CNNM4: variants seen among roughly 807,000 people sequenced by gnomAD.
The protein encoded by CNNM4 is cyclin and CBS domain divalent metal cation transport mediator 4.
A neutral mutation model predicts 53.7 loss-of-function variants in CNNM4; 32 were observed. The ratio of observed to expected loss-of-function variants is 0.60; its 90% CI spans 0.45 to 0.80. The LOEUF is 0.80. CNNM4 is among the 30% of genes least tolerant of loss of function. The pLI, the probability that CNNM4 is intolerant of heterozygous loss-of-function variation, is 0.00. For synonymous variants in CNNM4, 410 were observed against 440.0 expected (o/e 0.93, Z 0.85); for missense variants, 784 against 1,022.0 (o/e 0.77, Z 3.17).
rs1353214392 is a variant in CNNM4 at position 96,761,271 on chromosome 2, TCTC to T, written c.275_277del (p.Ser92del). On this transcript the variant is annotated inframe_deletion, in exon 1 of 7. Coordinates refer to ENST00000377075, the MANE Select transcript of CNNM4 (RefSeq NM_020184.4). This position sits in a 1 kb window ranked among gnomAD's most constrained non-coding sequence, Gnocchi z 6.0. ...CTGGGCAACATCTCCAGCAACCTGATCTCCTTCACCGAGGTGGACGATGCCGAG... is the reference window on the plus strand; with the variant it reads ...CTGGGCAACATCTCCAGCAACCTGATCTTCACCGAGGTGGACGATGCCGAG... 2.2e-5 allele frequency: 35 copies of T among 1,613,830 alleles called. No homozygotes were observed. Among genetic ancestry groups the T allele is most frequent in the Admixed American group, 6.7e-5 (4 of 60,002 alleles).
intron 1 of CNNM4, among the ~76,000 whole-genome samples, chr2:96,785,928 A>C (rs1248949423): frequency 6.6e-6 from 1 of 151,958 alleles, no homozygotes; most frequent in Non-Finnish European, 1.5e-5. Context: ...TCTACTAAAA[A>C]TACAAAAAAT....
rs1403330954 is a variant in CNNM4, at chr2:96,808,405, G to A, written c.1949-156G>A. ...TTGCTTTAACGAAGTCAGACCTTAT[G>A]CAGTCAGACCTTCTACATGCTTCTG... On this transcript the variant is annotated intron_variant, in intron 5 of 6. Coordinates refer to ENST00000377075, the MANE Select transcript of CNNM4 (RefSeq NM_020184.4). The surrounding 1 kb of genome is among the most constrained non-coding windows in gnomAD (Gnocchi z 4.9). 6.6e-6 allele frequency among the ~76,000 whole-genome samples: 1 copy of A among 152,178 alleles called. No homozygotes were observed. Among genetic ancestry groups the A allele is most frequent in the Non-Finnish European group, 1.5e-5 (1 of 68,032 alleles).
chr2:96,805,575 C>T (rs2153351041), intron 5 of CNNM4, among the ~76,000 whole-genome samples: 1 of 125,732 alleles, frequency 8.0e-6, no homozygotes, highest in South Asian at 2.8e-4. Context: ...TCTGGTTTTC[C>T]TAGGCAGAGG....
intron 1 of CNNM4, among the ~76,000 whole-genome samples, chr2:96,795,793 G>A (rs865921954): frequency 2.6e-5 from 4 of 152,132 alleles, no homozygotes; most frequent in African/African-American, 9.7e-5. Flanking sequence ...GTGTTCCTGC[G>A]AGTGGGGTAT....
chr2:96,783,123 A>T (rs1411110330), intron 1 of CNNM4, among the ~76,000 whole-genome samples: 1 of 152,202 alleles, frequency 6.6e-6, no homozygotes. Context: ...GTTGCCAAAA[A>T]GGTTCAAAGA....
intron 1 of CNNM4, among the ~76,000 whole-genome samples, chr2:96,787,271 T>C (rs2079024031): frequency 6.6e-6 from 1 of 152,178 alleles, no homozygotes; most frequent in African/African-American, 2.4e-5. Context: ...CTTCCAACGG[T>C]GGGTAGTTCT....
chr2:96,806,533 A>ACGCGCGCGCG (rs745997640), intron 5 of CNNM4, among the ~76,000 whole-genome samples: 1 of 138,512 alleles, frequency 7.2e-6, no homozygotes, highest in Admixed American at 7.2e-5. Flanking sequence ...ACACACACAC[A>ACGCGCGCGCG]CACGCGCGCG....
chr2:96,779,795 A>G (rs2078957666), intron 1 of CNNM4, among the ~76,000 whole-genome samples: 1 of 151,590 alleles, frequency 6.6e-6, no homozygotes, highest in Non-Finnish European at 1.5e-5. Context: ...AGATCAACTC[A>G]AAGACTTGAC....
Position 96,808,732 on chromosome 2 carries a change from A to G in CNNM4, c.2120A>G (p.Gln707Arg), listed in dbSNP as rs1406763673. Residue 707 changes from glutamine (Q) to arginine (R), a missense_variant, in exon 6 of 7, where the codon CAG becomes CGG. Physicochemically the swap from Gln to Arg is conservative, Grantham distance 43 (BLOSUM62 1). Coordinates refer to ENST00000377075, the MANE Select transcript of CNNM4 (RefSeq NM_020184.4). The surrounding 1 kb of genome is among the most constrained non-coding windows in gnomAD (Gnocchi z 4.9). ...AGCGTCCGGGCACTCGTGGACTTGCAGTACATCAAGGTGAGTGCCTCACTG... is the reference window on the plus strand; with the variant it reads ...AGCGTCCGGGCACTCGTGGACTTGCGGTACATCAAGGTGAGTGCCTCACTG... ...DFSVRALVDL[Q>R]YIKITRQQYQ... 3.1e-6 allele frequency: 5 copies of G among 1,614,160 alleles called. No homozygotes were observed. Among genetic ancestry groups the G allele is most frequent in the South Asian group, 2.2e-5 (2 of 91,084 alleles).
rs144179610 is a variant in CNNM4, at chr2:96,761,553, A to G, written c.554A>G (p.His185Arg). ...GGGAGGTTCCTGCCTCTCTGGCTGC[A>G]CATTCTCCTAATTACGGTGCTGCTG... is the stretch of plus-strand genomic sequence containing the variant. The part of the protein sequence containing the change: ...EPGRFLPLWL[H>R]ILLITVLLVL... The change falls in exon 1 of 7, where the codon CAC (histidine) becomes CGC (arginine). Residue 185 changes from histidine (H) to arginine (R), a missense_variant. This residue lies in a region of CNNM4 where 473 missense variants were observed against 624.6 expected (regional missense o/e 0.76). Coordinates refer to ENST00000377075, the MANE Select transcript of CNNM4 (RefSeq NM_020184.4). This position sits in a 1 kb window ranked among gnomAD's most constrained non-coding sequence, Gnocchi z 6.0. 1 of 1,613,836 alleles carries G rather than the reference A, an allele frequency of 6.2e-7. No individual in the cohort carries two copies. The highest frequency in any genetic ancestry group is 8.5e-7 in the Non-Finnish European group (1 of 1,179,946).
At chr2:96,792,085 C>T (rs1269238737) in intron 1 of CNNM4, among the ~76,000 whole-genome samples, 1 of 151,804 alleles carries the variant, frequency 6.6e-6, no homozygotes, top group Admixed American at 6.6e-5. Flanking sequence ...GAAACCCCAT[C>T]TCTACTAAAA....
intron 1 of CNNM4, among the ~76,000 whole-genome samples, chr2:96,785,046 T>C (rs2079005046): frequency 6.6e-6 from 1 of 152,006 alleles, no homozygotes; most frequent in Admixed American, 6.6e-5. Context: ...CCCAGCTAAT[T>C]TGTGTGTTTT....
chr2:96,768,046 G>C (rs2078834016), intron 1 of CNNM4, among the ~76,000 whole-genome samples: 1 of 152,206 alleles, frequency 6.6e-6, no homozygotes, highest in African/African-American at 2.4e-5. Flanking sequence ...CTGGGCGATA[G>C]AGCAAGACTC....
chr2:96,765,028 T>G (rs1298144019), intron 1 of CNNM4, among the ~76,000 whole-genome samples: 3 of 43,018 alleles, frequency 7.0e-5, no homozygotes, highest in East Asian at 5.0e-4. Flanking sequence ...GGAATGGTTT[T>G]TTTTTTTTTT....
chr2:96,766,473 G>A (rs1005032089), intron 1 of CNNM4, among the ~76,000 whole-genome samples: 1 of 152,136 alleles, frequency 6.6e-6, no homozygotes. Flanking sequence ...AAGTCAGCAT[G>A]GCTCACTGTC....
intron 1 of CNNM4, among the ~76,000 whole-genome samples, chr2:96,780,770 C>G (rs1228432664): frequency 6.6e-6 from 1 of 151,836 alleles, no homozygotes; most frequent in African/African-American, 2.4e-5. Flanking sequence ...TGGAGTCTCC[C>G]TCTATTGCCC....
At chr2:96,763,915 A>AC (rs2078789043) in intron 1 of CNNM4, among the ~76,000 whole-genome samples, 1 of 151,772 alleles carries the variant, frequency 6.6e-6, no homozygotes, top group African/African-American at 2.4e-5. Flanking sequence ...GGGAGTGCAG[A>AC]CCCAGGAATC....
At chr2:96,765,833 TG>T (rs776481488) in intron 1 of CNNM4, among the ~76,000 whole-genome samples, 1 of 151,126 alleles carries the variant, frequency 6.6e-6, no homozygotes, top group Non-Finnish European at 1.5e-5. Context: ...TCGCTCTCAT[TG>T]CCCCGGCTGG....
intron 1 of CNNM4, among the ~76,000 whole-genome samples, chr2:96,773,393 T>C (rs571568371): frequency 1.1e-4 from 17 of 152,288 alleles, no homozygotes; most frequent in African/African-American, 4.1e-4. Flanking sequence ...TTATTGCTAT[T>C]ATCCAAAGGT....
Sources: gnomAD v4.1 joint callset for allele counts (sites outside exome capture counted in the v4.1 genomes callset) on GRCh38, gnomAD v4.1.1 for gene constraint, gnomAD v4.1.1 regional missense constraint, Gnocchi (gnomAD v3.1) non-coding constraint, MANE v1.5 for transcripts, NCBI Gene and HGNC (gene_info 2026-07-23, HGNC 2026-07-21) for gene names.